Variants in RALGPS1 observed in about 807,000 individuals in gnomAD.
RALGPS1 encodes Ral GEF with PH domain and SH3 binding motif 1, also known as ras-specific guanine nucleotide-releasing factor RalGPS1.
In RALGPS1, 19 loss-of-function variants were observed where a neutral mutation model predicts 78.8. That is an observed-to-expected ratio of 0.24 (90% confidence interval 0.17 to 0.35). RALGPS1 has a LOEUF of 0.35. RALGPS1 is among the 10% of genes least tolerant of loss of function. The probability of loss-of-function intolerance (pLI) is 1.00; values close to 1 mark genes in which losing one functional copy is unlikely to be tolerated. For missense variants in RALGPS1, 454 were observed against 688.3 expected, an observed-to-expected ratio of 0.66 and a Z score of 3.81; for synonymous variants, 228 against 256.3, an observed-to-expected ratio of 0.89 and a Z score of 1.06.
At chr9:126,990,234 A>T (rs1331573732) in intron 4 of RALGPS1, 2 of 523,024 alleles carry the variant, frequency 3.8e-6, no homozygotes, top group Admixed American at 6.7e-5. Flanking sequence ...CATGCTGGGC[A>T]GTTTTCTCAG....
At chr9:127,168,868 G>A (rs1002516305) in intron 10 of RALGPS1, 96 bp downstream of exon 10, 28 of 958,658 alleles carry the variant, frequency 2.9e-5, no homozygotes, top group Middle Eastern at 2.3e-4. Flanking sequence ...GTTGGGACCA[G>A]TGAGTAGCCA....
At chr9:127,196,699 C>T (rs2061366727) in intron 13 of RALGPS1, 68 bp downstream of exon 13, 1 of 1,475,654 alleles carries the variant, frequency 6.8e-7, no homozygotes, top group African/African-American at 1.4e-5. Flanking sequence ...CCGTGTCTGT[C>T]TCTGTGTCAC....
rs2062778206 is a variant in RALGPS1, at chr9:127,221,695, T to C, written c.*2926T>C. On this transcript the variant is annotated 3_prime_UTR_variant, in exon 19 of 19. Coordinates refer to ENST00000259351, the MANE Select transcript of RALGPS1 (RefSeq NM_014636.3). The stretch of plus-strand genomic sequence containing the variant: ...AGTAGATACTTGAAGAGATTCTGTT[T>C]AGGAAGAAACTCACTCTCTTTTGCC... 1 of 152,214 alleles carries C rather than the reference T, an allele frequency of 6.6e-6. No individual in the cohort carries two copies. The highest frequency in any genetic ancestry group is 1.5e-5 in the Non-Finnish European group (1 of 68,036). 9.4% of individuals were successfully genotyped at this position (152,214 alleles called of 1,614,324 possible).
At chr9:126,952,743 A>C in intron 1 of RALGPS1, among the ~76,000 whole-genome samples, 1 of 151,728 alleles carries the variant, frequency 6.6e-6, no homozygotes, top group African/African-American at 2.4e-5. Flanking sequence ...ACACGTGTAC[A>C]CTTACTGTTC....
intron 8 of RALGPS1, among the ~76,000 whole-genome samples, chr9:127,114,212 T>C (rs1030987030): frequency 1.5e-4 from 23 of 152,196 alleles, no homozygotes; most frequent in Non-Finnish European, 3.1e-4. Context: ...ATTCATAGTC[T>C]TTATGTTTTT....
chr9:127,158,478 A>G (rs1195427189), intron 8 of RALGPS1, among the ~76,000 whole-genome samples: 1 of 152,072 alleles, frequency 6.6e-6, no homozygotes, highest in Admixed American at 6.5e-5. Context: ...TCTCTTCCAT[A>G]TTTGAAATCA....
chr9:127,196,196 G>C, intron 12 of RALGPS1, among the ~76,000 whole-genome samples: 1 of 152,330 alleles, frequency 6.6e-6, no homozygotes, highest in Middle Eastern at 3.4e-3. Context: ...CATCACTCAC[G>C]AGCACATCTG....
intron 8 of RALGPS1, among the ~76,000 whole-genome samples, chr9:127,089,963 G>C (rs1296242360): frequency 1.3e-5 from 2 of 152,202 alleles, no homozygotes; most frequent in African/African-American, 4.8e-5. Flanking sequence ...TCAGAATTGT[G>C]GGTTGGAGGG....
At chr9:127,001,369 C>A in intron 4 of RALGPS1, among the ~76,000 whole-genome samples, 1 of 151,636 alleles carries the variant, frequency 6.6e-6, no homozygotes, top group East Asian at 1.9e-4. Flanking sequence ...TAATTGAGCA[C>A]ACTTCATGAT....
At chr9:127,046,258 G>T (rs888808520) in intron 5 of RALGPS1, among the ~76,000 whole-genome samples, 1 of 152,140 alleles carries the variant, frequency 6.6e-6, no homozygotes, top group Admixed American at 6.5e-5. Context: ...ATCTCAAGAA[G>T]GTAGAATGTA....
rs1379363826 is a variant in RALGPS1, at chr9:127,055,574, G to T, written c.483+2635G>T. On this transcript the variant is annotated intron_variant, in intron 7 of 18. Transcript: ENST00000259351. ...TTCTGACAGCTACCCATTGAGATAG[G>T]CACTGTTACTATTGTCATTTATAGA... is the stretch of plus-strand genomic sequence containing the variant. Among the ~76,000 whole-genome samples, 4 of 152,214 alleles carry T rather than the reference G, an allele frequency of 2.6e-5. No homozygotes were observed. In the East Asian group the frequency reaches 7.7e-4, roughly 29 times the overall value.
chr9:127,055,027 GAGAGAGAGAGAGAA>G, intron 7 of RALGPS1, among the ~76,000 whole-genome samples: 1 of 106,472 alleles, frequency 9.4e-6, no homozygotes, highest in South Asian at 2.9e-4. Flanking sequence ...GAGAGAGAGA[GAGAGAGAGAGAGAA>G]GAAATCTCCT....
intron 1 of RALGPS1, among the ~76,000 whole-genome samples, chr9:126,928,897 C>T (rs1024080159): frequency 1.4e-4 from 22 of 152,140 alleles, no homozygotes; most frequent in Admixed American, 6.6e-4. Flanking sequence ...CCACCACGCC[C>T]GGCCAAGGAT....
intron 4 of RALGPS1, among the ~76,000 whole-genome samples, chr9:127,013,359 CA>C (rs1381826061): frequency 6.6e-6 from 1 of 152,136 alleles, no homozygotes; most frequent in Non-Finnish European, 1.5e-5. Context: ...CTACAGGTGC[CA>C]TAGTCACAGC....
At chr9:127,188,832 T>TAAAAAAAAAAAAAAA (rs202172226) in intron 11 of RALGPS1, among the ~76,000 whole-genome samples, 2 of 87,472 alleles carry the variant, frequency 2.3e-5, no homozygotes, top group South Asian at 5.4e-4. Context: ...CCATCTCTAC[T>TAAAAAAAAAAAAAAA]AAAAAAAAAA....
Position 127,021,885 on chromosome 9 carries a change from C to T in RALGPS1, c.217-12546C>T, listed in dbSNP as rs556241841. Among the ~76,000 whole-genome samples, 14 of 151,998 alleles carry T rather than the reference C, an allele frequency of 9.2e-5. No individual in the cohort carries two copies. In the East Asian group the frequency reaches 2.7e-3, roughly 29 times the overall value. The stretch of plus-strand genomic sequence containing the variant: ...AGGGTTGCAGTTGGCTGCTGCCCTG[C>T]GTTGACAGCTGGTTCTAATTGTGCA... On this transcript the variant is annotated intron_variant, in intron 4 of 18. Coordinates refer to ENST00000259351, the MANE Select transcript of RALGPS1 (RefSeq NM_014636.3).
At chr9:126,998,403 AAC>A (rs1265260072) in intron 4 of RALGPS1, among the ~76,000 whole-genome samples, 1 of 152,224 alleles carries the variant, frequency 6.6e-6, no homozygotes, top group Non-Finnish European at 1.5e-5. Context: ...GCAGCCAAAA[AAC>A]ACATGAAAAA....
At chr9:127,178,791 A>C (rs1009833750) in intron 11 of RALGPS1, among the ~76,000 whole-genome samples, 1 of 152,212 alleles carries the variant, frequency 6.6e-6, no homozygotes, top group African/African-American at 2.4e-5. Context: ...GCAGAGCGTG[A>C]ACTATTTACT....
At chr9:126,955,086 C>T (rs571138451) in intron 1 of RALGPS1, among the ~76,000 whole-genome samples, 6 of 152,344 alleles carry the variant, frequency 3.9e-5, no homozygotes, top group Admixed American at 2.6e-4. Context: ...GCTTACATAT[C>T]GCATCTGTAG....
Sources: gnomAD v4.1 joint callset for allele counts (sites outside exome capture counted in the v4.1 genomes callset) on GRCh38, gnomAD v4.1.1 for gene constraint, MANE v1.5 for transcripts, NCBI Gene and HGNC (gene_info 2026-07-23, HGNC 2026-07-21) for gene names.